DTL: variants seen among roughly 807,000 people sequenced by gnomAD.
The protein encoded by DTL is denticleless E3 ubiquitin protein ligase adapter.
DTL carries 46 observed loss-of-function variants against 87.0 expected under a neutral mutation model. That is an observed-to-expected ratio of 0.53 (90% CI 0.42 to 0.68). The LOEUF (loss-of-function observed/expected upper bound fraction) is 0.68. Ranked by LOEUF, DTL falls within the 30% of genes least tolerant of loss-of-function variation. The probability of loss-of-function intolerance (pLI) is 0.00; values close to 1 mark genes in which losing one functional copy is unlikely to be tolerated. For missense variants in DTL, 737 were observed against 869.4 expected, an observed-to-expected ratio of 0.85 and a Z score of 1.91; for synonymous variants, 308 against 311.2, an observed-to-expected ratio of 0.99 and a Z score of 0.11.
At chr1:212,055,309 C>T (rs1574212) in intron 5 of DTL, among the ~76,000 whole-genome samples, 18,243 of 152,126 alleles carry the variant, frequency 0.12, 1,542 homozygotes, top group Non-Finnish European at 0.18. Context: ...CATGGGAGAC[C>T]CCTTGATGCT....
chr1:212,057,616 G>A (rs1668217401), intron 5 of DTL, among the ~76,000 whole-genome samples: 1 of 151,966 alleles, frequency 6.6e-6, no homozygotes, highest in Non-Finnish European at 1.5e-5. Flanking sequence ...AGGCTGAAAT[G>A]TTACCACTAC....
chr1:212,087,649 T>A (rs1411032958), intron 13 of DTL, among the ~76,000 whole-genome samples: 1 of 152,146 alleles, frequency 6.6e-6, no homozygotes, highest in Non-Finnish European at 1.5e-5. Context: ...ATGCTAGGGT[T>A]ACTCTGAAGA....
rs116750653 is a variant in DTL at position 212,048,308 on chromosome 1, C to T, written c.460+891C>T. On this transcript the variant is annotated intron_variant, in intron 5 of 14. Transcript: ENST00000366991. ...GGGTTCAAGCAATCCTCTCCCTCAG[C>T]GTCCCAAGTACCTGGGAGGGATTAC... Among the ~76,000 whole-genome samples the T allele has an allele frequency of 4.2e-3, 639 of 152,160 alleles. 5 individuals are homozygous for T. Among genetic ancestry groups the T allele is most frequent in the African/African-American group, 0.015 (608 of 41,494 alleles).
At chr1:212,083,263 T>G (rs1275977352) in intron 13 of DTL, among the ~76,000 whole-genome samples, 1 of 152,144 alleles carries the variant, frequency 6.6e-6, no homozygotes, top group Admixed American at 6.5e-5. Context: ...TTGTCAGATC[T>G]CATGAGACTT....
intron 2 of DTL, 33 bp from the exon 3 acceptor site, chr1:212,044,627 C>CGG: frequency 8.2e-7 from 1 of 1,226,604 alleles, no homozygotes; most frequent in Non-Finnish European, 1.1e-6. Context: ...AATTGTGTTA[C>CGG]TCTATATATT....
intron 7 of DTL, 70 bp from the exon 8 acceptor site, chr1:212,066,742 C>A: frequency 6.9e-7 from 1 of 1,459,404 alleles, no homozygotes; most frequent in Non-Finnish European, 9.5e-7. Flanking sequence ...CGTTTTTTAG[C>A]ACCTTGTTCC....
At chr1:212,080,033 G>T (rs189729506) in intron 12 of DTL, among the ~76,000 whole-genome samples, 247 of 152,266 alleles carry the variant, frequency 1.6e-3, no homozygotes, top group African/African-American at 5.8e-3. Flanking sequence ...AAGGGACAAA[G>T]GTTATTTTTT....
In DTL at chr1:212,044,694, T is replaced by G; in HGVS notation, c.213T>G (p.Asn71Lys). ...TGGAACATGTACTAGCAGTTGCCAA[T>G]GAAGAAGGCTTTGTTCGATTGTATA... ...PNMEHVLAVA[N>K]EEGFVRLYNT... The change falls in exon 3 of 15, where the codon AAT (asparagine) becomes AAG (lysine). Residue 71 changes from asparagine to lysine, a missense_variant. Physicochemically the swap from Asn to Lys is moderately conservative, Grantham distance 94 (BLOSUM62 0). Transcript: ENST00000366991. 6.2e-7 allele frequency: 1 copy of G among 1,613,264 alleles called. No individual in the cohort carries two copies.
chr1:212,102,957 G>GTT lies in DTL; in HGVS notation c.*18_*19dup. ...GAATTATAGATTCTAATCTGAGTGA[G>GTT]TTACTGAGCTTTGGTCCACTAAAAC... On this transcript the variant is annotated 3_prime_UTR_variant, in exon 15 of 15. Transcript: ENST00000366991. The GTT allele has an allele frequency of 6.8e-7, 1 of 1,467,294 alleles. No individual in the cohort carries two copies. Among genetic ancestry groups the GTT allele is most frequent in the African/African-American group, 1.4e-5 (1 of 71,210 alleles). 90.9% of individuals were successfully genotyped at this position (1,467,294 alleles called of 1,614,324 possible).
chr1:212,096,514 G>A (rs1185812434), intron 13 of DTL, among the ~76,000 whole-genome samples: 1 of 152,140 alleles, frequency 6.6e-6, no homozygotes, highest in African/African-American at 2.4e-5. Context: ...ACTTAATGCT[G>A]TGAACTTTCC....
intron 3 of DTL, 48 bp downstream of exon 3, chr1:212,044,806 A>G: frequency 2.8e-6 from 3 of 1,086,122 alleles, no homozygotes; most frequent in Non-Finnish European, 2.8e-6. Flanking sequence ...AAAACTTTAC[A>G]CATCCTCAAG....
intron 14 of DTL, 91 bp downstream of exon 14, chr1:212,101,175 T>A (rs1655615586): frequency 9.2e-6 from 9 of 976,062 alleles, no homozygotes; most frequent in Middle Eastern, 3.2e-4. Flanking sequence ...TTTTTTTTTT[T>A]AAAGAAAGAA....
chr1:212,052,181 CCTGA>C (rs1277549362), intron 5 of DTL, among the ~76,000 whole-genome samples: 9 of 152,150 alleles, frequency 5.9e-5, no homozygotes, highest in South Asian at 2.1e-4. Flanking sequence ...TGCTGTTTTT[CCTGA>C]CTATTTTCAG....
At position 212,040,849 on chromosome 1, in the gene DTL, C is replaced by T. The variant is rs368021698; in HGVS notation, c.53-2144C>T. Among the ~76,000 whole-genome samples the T allele has an allele frequency of 3.2e-4, 48 of 152,310 alleles. 1 individual carries two copies. Among genetic ancestry groups the T allele is most frequent in the African/African-American group, 9.9e-4 (41 of 41,556 alleles). On this transcript the variant is annotated intron_variant, in intron 1 of 14. Coordinates refer to ENST00000366991, the MANE Select transcript of DTL (RefSeq NM_016448.4). Reference sequence around the variant, plus strand: ...AGGACAGTGTGAAATTTTCTTGCCACTCAAAATGGCACACAATTTAAAACA... The same window carrying T: ...AGGACAGTGTGAAATTTTCTTGCCATTCAAAATGGCACACAATTTAAAACA...
chr1:212,101,454 CT>C (rs764675278), intron 14 of DTL, among the ~76,000 whole-genome samples: 1 of 152,154 alleles, frequency 6.6e-6, no homozygotes, highest in Non-Finnish European at 1.5e-5. Context: ...AATATCTCCC[CT>C]CTCCTGTTAG....
At chr1:212,070,212 T>A (rs1477150121) in intron 10 of DTL, among the ~76,000 whole-genome samples, 2 of 152,228 alleles carry the variant, frequency 1.3e-5, no homozygotes, top group Non-Finnish European at 2.9e-5. Context: ...TTTAGTGTCC[T>A]GCTGTCCAAC....
intron 13 of DTL, among the ~76,000 whole-genome samples, chr1:212,095,969 A>G (rs1339117192): frequency 6.6e-6 from 1 of 152,130 alleles, no homozygotes; most frequent in Non-Finnish European, 1.5e-5. Flanking sequence ...TGAATGTCTG[A>G]TAGAATTCAG....
intron 11 of DTL, among the ~76,000 whole-genome samples, chr1:212,074,540 C>T (rs963645128): frequency 1.3e-5 from 2 of 152,244 alleles, no homozygotes; most frequent in African/African-American, 4.8e-5. Context: ...TGTTCTTCTG[C>T]CTGTCCACAC....
intron 5 of DTL, among the ~76,000 whole-genome samples, chr1:212,060,056 T>C (rs1378343171): frequency 6.6e-6 from 1 of 152,058 alleles, no homozygotes; most frequent in Non-Finnish European, 1.5e-5. Flanking sequence ...CTCATGCTCA[T>C]GGATGGGAAA....
Sources: allele counts gnomAD v4.1 joint callset (sites outside exome capture counted in the v4.1 genomes callset), GRCh38; gene constraint gnomAD v4.1.1; transcripts MANE v1.5; gene names NCBI Gene and HGNC (gene_info 2026-07-23, HGNC 2026-07-21).